Variants in ZC3H13 observed in about 807,000 individuals in gnomAD.
ZC3H13 encodes zinc finger CCCH-type containing 13.
Under a neutral mutation model 204.1 loss-of-function variants are expected in ZC3H13, and 64 were observed. That is an observed-to-expected ratio of 0.31 (90% CI 0.26 to 0.39). The LOEUF (loss-of-function observed/expected upper bound fraction) is 0.39, where lower values mean the gene tolerates loss of function less well. Among genes scored for constraint, ZC3H13 ranks in the 10% least tolerant of loss-of-function variants. The probability of loss-of-function intolerance (pLI) is 1.00; values close to 1 mark genes in which losing one functional copy is unlikely to be tolerated. For missense variants in ZC3H13, 1,833 were observed against 2,082.7 expected, an observed-to-expected ratio of 0.88 and a Z score of 2.33; for synonymous variants, 667 against 693.7, an observed-to-expected ratio of 0.96 and a Z score of 0.60.
intron 5 of ZC3H13, among the ~76,000 whole-genome samples, chr13:46,015,284 T>G (rs2041843613): frequency 6.6e-6 from 1 of 152,186 alleles, no homozygotes; most frequent in South Asian, 2.1e-4. Flanking sequence ...CTATTTCTCC[T>G]GTGAGTTACC....
At chr13:45,974,213 C>T (rs1013869901) in intron 12 of ZC3H13, among the ~76,000 whole-genome samples, 1 of 152,156 alleles carries the variant, frequency 6.6e-6, no homozygotes, top group Non-Finnish European at 1.5e-5. Flanking sequence ...TCAAAATTGA[C>T]CAATCTGAGT....
chr13:46,045,464 G>A lies in ZC3H13; in HGVS notation c.44C>T (p.Thr15Ile). ...TCTTCGGGATGTGCTATCAGATATA[G>A]TCTTGGTATTTTCCACTGTGACCTT... ...RRKVTVENTKTISDSTSRRPS... is the reference protein window; with the variant it reads ...RRKVTVENTKIISDSTSRRPS... Residue 15 changes from threonine (T) to isoleucine (I), a missense_variant, in exon 2 of 19, where the codon ACT becomes ATT. By Grantham distance (89) the Thr-to-Ile change is moderately conservative. Transcript: ENST00000679008. 6.2e-7 allele frequency: 1 copy of A among 1,614,104 alleles called. No individual in the cohort carries two copies. Among genetic ancestry groups the A allele is most frequent in the Non-Finnish European group, 8.5e-7 (1 of 1,180,008 alleles).
chr13:45,970,094 G>C, intron 13 of ZC3H13, 123 bp from the exon 14 acceptor site: 2 of 1,236,626 alleles, frequency 1.6e-6, no homozygotes, highest in East Asian at 4.9e-5. Context: ...CGAGGCAGGT[G>C]GATCATGAGA....
intron 7 of ZC3H13, among the ~76,000 whole-genome samples, chr13:46,006,099 A>AT (rs1832062023): frequency 2.0e-5 from 3 of 150,866 alleles, no homozygotes; most frequent in Non-Finnish European, 3.0e-5. Flanking sequence ...AAAAAAAAAA[A>AT]AGTTGTTCAA....
In ZC3H13 at chr13:46,011,459, G is replaced by C. The variant is rs1034492082; in HGVS notation, c.544C>G (p.Gln182Glu). Residue 182 changes from glutamine (Q) to glutamate (E), a missense_variant, in exon 6 of 19, where the codon CAA (glutamine) becomes GAA (glutamate). Physicochemically the swap from Gln to Glu is conservative, Grantham distance 29 (BLOSUM62 2). This residue lies in a region of ZC3H13 where 1,574 missense variants were observed against 1,757.2 expected (regional missense o/e 0.90). Coordinates refer to ENST00000679008, the MANE Select transcript of ZC3H13 (RefSeq NM_001330564.2). ...KIQRELMKLE[Q>E]ENMEKREEII... is the part of the protein sequence containing the mutation. ...TCTTCTCTCTTCTCCATGTTTTCTT[G>C]TTCCAGCTTCATTAATTCCCTCTGT... 1 of 1,603,874 alleles carries C rather than the reference G, an allele frequency of 6.2e-7. No individual in the cohort carries two copies. The highest frequency in any genetic ancestry group is 1.7e-5 in the Admixed American group (1 of 58,450).
rs140987769 is a variant in ZC3H13, at chr13:45,959,219, G to A, written c.4839+264C>T. Among the ~76,000 whole-genome samples the A allele has an allele frequency of 4.7e-4, 72 of 151,728 alleles. No homozygotes were observed. The East Asian group carries it at 0.011, about 23-fold the overall frequency. On this transcript the variant is annotated intron_variant, in intron 18 of 18. Coordinates refer to ENST00000679008, the MANE Select transcript of ZC3H13 (RefSeq NM_001330564.2). ...CAATTTAAATAAATTTTTGTAATAC[G>A]TTTGCTTGTTGAAAGCTTTTCACAA... is the stretch of plus-strand genomic sequence containing the variant.
intron 5 of ZC3H13, among the ~76,000 whole-genome samples, chr13:46,019,604 T>C (rs192863250): frequency 1.1e-3 from 172 of 152,278 alleles, no homozygotes; most frequent in Non-Finnish European, 1.9e-3. Flanking sequence ...GACATTACAG[T>C]GCCCATCTTT....
At chr13:46,007,438 T>G (rs1369712290) in intron 7 of ZC3H13, among the ~76,000 whole-genome samples, 1 of 152,200 alleles carries the variant, frequency 6.6e-6, no homozygotes, top group East Asian at 1.9e-4. Context: ...GGAGCCTGGG[T>G]TACTCAATCT....
At chr13:45,978,901 C>A (rs189866626) in intron 11 of ZC3H13, among the ~76,000 whole-genome samples, 1 of 152,090 alleles carries the variant, frequency 6.6e-6, no homozygotes, top group Admixed American at 6.5e-5. Flanking sequence ...ATAAACTCAA[C>A]CTAATCAATT....
At chr13:46,043,618 GCTTTT>G (rs1423031216) in intron 3 of ZC3H13, among the ~76,000 whole-genome samples, 1 of 151,782 alleles carries the variant, frequency 6.6e-6, no homozygotes, top group East Asian at 1.9e-4. Context: ...AAAATACATT[GCTTTT>G]CTTATCTTTG....
chr13:45,964,676 A>G (rs1318763765), intron 16 of ZC3H13, among the ~76,000 whole-genome samples: 6 of 152,208 alleles, frequency 3.9e-5, no homozygotes, highest in Admixed American at 3.9e-4. Context: ...TATATAATCA[A>G]AGAAAAGATC....
At chr13:46,047,733 G>A (rs1593840210) in intron 1 of ZC3H13, among the ~76,000 whole-genome samples, 1 of 152,238 alleles carries the variant, frequency 6.6e-6, no homozygotes. Context: ...TGTATAAGAA[G>A]TTTGAGAAAA....
intron 15 of ZC3H13, among the ~76,000 whole-genome samples, chr13:45,966,523 C>G (rs973944312): frequency 6.6e-6 from 1 of 152,110 alleles, no homozygotes; most frequent in African/African-American, 2.4e-5. Flanking sequence ...AAGTGATTCA[C>G]CTATACATTT....
In ZC3H13 at chr13:46,031,745, C is replaced by G. The variant is rs370757269; in HGVS notation, c.339+10419G>C. Among the ~76,000 whole-genome samples, 32 of 152,326 alleles carry G rather than the reference C, an allele frequency of 2.1e-4. No homozygotes were observed. In the East Asian group the frequency reaches 4.6e-3, roughly 22 times the overall value. On this transcript the variant is annotated intron_variant, in intron 4 of 18. Coordinates refer to ENST00000679008, the MANE Select transcript of ZC3H13 (RefSeq NM_001330564.2). ...CAAAGAGATACCACTACACACCTATCTGAATAGTCAAAATTCAATTCACTG... is the reference window on the plus strand; with the variant it reads ...CAAAGAGATACCACTACACACCTATGTGAATAGTCAAAATTCAATTCACTG...
intron 4 of ZC3H13, among the ~76,000 whole-genome samples, chr13:46,027,263 C>T (rs1401344888): frequency 6.6e-6 from 1 of 152,120 alleles, no homozygotes; most frequent in Non-Finnish European, 1.5e-5. Flanking sequence ...CACCACTACA[C>T]CCGGCTAATT....
At chr13:45,962,939 T>C in intron 17 of ZC3H13, 1 of 985,396 alleles carries the variant, frequency 1.0e-6, no homozygotes, top group African/African-American at 1.7e-5. Flanking sequence ...AAACAACCCC[T>C]ACCACCAGAA....
At position 45,956,542 on chromosome 13, in the gene ZC3H13, T is replaced by C. The variant is rs1373871674; in HGVS notation, c.*585A>G. ...GTCAAAAGACATCCAACATACATTG[T>C]AACAATGCACACATATTAATTAAAA... On this transcript the variant is annotated 3_prime_UTR_variant, in exon 19 of 19. Transcript: ENST00000679008. The C allele has an allele frequency of 6.6e-6, 1 of 152,148 alleles. No homozygotes were observed. The highest frequency in any genetic ancestry group is 2.1e-4 in the South Asian group (1 of 4,826). 9.4% of individuals were successfully genotyped at this position (152,148 alleles called of 1,614,324 possible). A position where few individuals can be genotyped will look rare whatever the true frequency, so the allele number is the denominator to read the frequency against.
At chr13:46,052,179 G>C (rs2044500162) in intron 1 of ZC3H13, among the ~76,000 whole-genome samples, 1 of 152,050 alleles carries the variant, frequency 6.6e-6, no homozygotes, top group Non-Finnish European at 1.5e-5. Flanking sequence ...ACAGCCTATT[G>C]TCTGAGTCTA....
At chr13:46,021,575 T>C (rs1434732127) in intron 4 of ZC3H13, among the ~76,000 whole-genome samples, 5 of 151,928 alleles carry the variant, frequency 3.3e-5, no homozygotes, top group Non-Finnish European at 7.4e-5. Flanking sequence ...AACTCTAGTA[T>C]ATATAACTGC....
Sources: gnomAD v4.1 joint callset for allele counts (sites outside exome capture counted in the v4.1 genomes callset) on GRCh38, gnomAD v4.1.1 for gene constraint, gnomAD v4.1.1 regional missense constraint, MANE v1.5 for transcripts, NCBI Gene and HGNC (gene_info 2026-07-23, HGNC 2026-07-21) for gene names.